SHOX2: variants seen among roughly 807,000 people sequenced by gnomAD.
SHOX2 encodes SHOX homeobox 2.
A neutral mutation model predicts 31.3 loss-of-function variants in SHOX2; 13 were observed. The observed-to-expected ratio is 0.42, with a 90% CI of 0.27 to 0.66. The LOEUF is 0.66. SHOX2 is among the 30% of genes least tolerant of loss of function. SHOX2 has a pLI of 0.27. For missense variants in SHOX2, 473 were observed against 443.0 expected (o/e 1.07, Z -0.61); for synonymous variants, 244 against 196.2 (o/e 1.24, Z -2.04).
Position 158,097,846 on chromosome 3 carries a change from G to T in SHOX2, c.*181C>A, listed in dbSNP as rs1713217573. On this transcript the variant is annotated 3_prime_UTR_variant, in exon 5 of 5. Coordinates refer to ENST00000483851, the MANE Select transcript of SHOX2 (RefSeq NM_001163678.2). Reference sequence around the variant, plus strand: ...AGCCTGCGTGCCTCGTGAGATCCCTGGTCCTGCGTGGAGTCTGGCTTTCCG... The same window carrying T: ...AGCCTGCGTGCCTCGTGAGATCCCTTGTCCTGCGTGGAGTCTGGCTTTCCG... The T allele has an allele frequency of 2.5e-6, 2 of 785,470 alleles. No homozygotes were observed. Among genetic ancestry groups the T allele is most frequent in the Admixed American group, 2.5e-5 (1 of 40,364 alleles). 48.7% of individuals were successfully genotyped at this position (785,470 alleles called of 1,614,324 possible). A position where few individuals can be genotyped will look rare whatever the true frequency, so the allele number is the denominator to read the frequency against.
At chr3:158,101,720 C>T (rs941844175) in intron 2 of SHOX2, among the ~76,000 whole-genome samples, 1 of 152,202 alleles carries the variant, frequency 6.6e-6, no homozygotes, top group East Asian at 1.9e-4. Context: ...TTTGTAACAG[C>T]TGCAGATGTG....
Position 158,098,026 on chromosome 3 carries a change from G to C in SHOX2, c.*1C>G. The C allele has an allele frequency of 6.3e-7, 1 of 1,586,692 alleles. No individual in the cohort carries two copies. The highest frequency in any genetic ancestry group is 8.6e-7 in the Non-Finnish European group (1 of 1,164,190). On this transcript the variant is annotated 3_prime_UTR_variant, in exon 5 of 5. Transcript: ENST00000483851. ...GCGCGACATTGGTGCTGGCGTTGGC[G>C]TCACAGACCCAGGGCTGCGGCGTGC...
Position 158,096,488 on chromosome 3 carries a change from G to A in SHOX2, c.*1539C>T, listed in dbSNP as rs1399160762. 7 of 149,796 alleles carry A rather than the reference G, an allele frequency of 4.7e-5. No individual in the cohort carries two copies. Among genetic ancestry groups the A allele is most frequent in the African/African-American group, 9.8e-5 (4 of 40,886 alleles). The allele number at this position is 149,796 out of a possible 1,614,324, so 9.3% of individuals were successfully genotyped here. On this transcript the variant is annotated 3_prime_UTR_variant, in exon 5 of 5. Coordinates refer to ENST00000483851, the MANE Select transcript of SHOX2 (RefSeq NM_001163678.2). ...TAGATACACCTTTGTGAGATAAAAT[G>A]CAAATGTTGAAAGTCAGTCCACACA...
intron 4 of SHOX2, 118 bp downstream of exon 4, chr3:158,099,742 A>G: frequency 1.3e-6 from 1 of 769,168 alleles, no homozygotes; most frequent in Non-Finnish European, 2.2e-6. Flanking sequence ...TCTCAAAATG[A>G]TTCTCCAACT....
At chr3:158,101,364 T>A (rs1713476916) in intron 2 of SHOX2, among the ~76,000 whole-genome samples, 1 of 152,224 alleles carries the variant, frequency 6.6e-6, no homozygotes, top group Non-Finnish European at 1.5e-5. Context: ...GTAATTCACA[T>A]GGCCTGAGGC....
intron 1 of SHOX2, chr3:158,103,822 A>G (rs1259600009): frequency 1.3e-5 from 2 of 152,264 alleles, no homozygotes; most frequent in Non-Finnish European, 2.9e-5. Context: ...CTCGGTTTCT[A>G]TTGGTTGCTC....
chr3:158,098,846 T>C (rs1224561859), intron 4 of SHOX2, among the ~76,000 whole-genome samples: 1 of 152,192 alleles, frequency 6.6e-6, no homozygotes, highest in Non-Finnish European at 1.5e-5. Flanking sequence ...AAGGTCTAGG[T>C]TGGGGCCTGA....
At chr3:158,102,489 A>AG (rs1428853344) in intron 2 of SHOX2, among the ~76,000 whole-genome samples, 189 bp downstream of exon 2, 1 of 151,784 alleles carries the variant, frequency 6.6e-6, no homozygotes, top group Non-Finnish European at 1.5e-5. Flanking sequence ...TGGAAAAAAA[A>AG]AAAAGGAGGG....
At position 158,106,279 on chromosome 3, in the gene SHOX2, A is replaced by G; in HGVS notation, c.-255T>C. 2.1e-6 allele frequency: 1 copy of G among 470,204 alleles called. No individual in the cohort carries two copies. The allele number at this position is 470,204 out of a possible 1,614,324, so 29.1% of individuals were successfully genotyped here. ...GAGGAAGAGGGGGAGAAGGGTGAAGAGGAGAGGGAGGAGGAGGAGGAGAAG... is the reference window on the plus strand; with the variant it reads ...GAGGAAGAGGGGGAGAAGGGTGAAGGGGAGAGGGAGGAGGAGGAGGAGAAG... On this transcript the variant is annotated 5_prime_UTR_variant, in exon 1 of 5. Transcript: ENST00000483851.
At position 158,098,268 on chromosome 3, in the gene SHOX2, T is replaced by A; in HGVS notation, c.719A>T (p.Gln240Leu). ...CGCGTGCGCCACAGCGCTGTCCAGC[T>A]GCAGCTGCGCCTGAACCTGAAAGGA... ...MPFQQVQAQL[Q>L]LDSAVAHAHH... Residue 240 changes from glutamine to leucine, a missense_variant, in exon 5 of 5, where the codon CAG becomes CTG. By Grantham distance (113) the Gln-to-Leu change is moderately radical. Coordinates refer to ENST00000483851, the MANE Select transcript of SHOX2 (RefSeq NM_001163678.2). 1 of 1,613,782 alleles carries A rather than the reference T, an allele frequency of 6.2e-7. No individual in the cohort carries two copies. Among genetic ancestry groups the A allele is most frequent in the Non-Finnish European group, 8.5e-7 (1 of 1,179,848 alleles).
At chr3:158,099,715 G>A in intron 4 of SHOX2, 145 bp downstream of exon 4, 1 of 665,232 alleles carries the variant, frequency 1.5e-6, no homozygotes, top group Non-Finnish European at 2.6e-6. Flanking sequence ...TTAAAGGGTA[G>A]TGGGTCCACT....
chr3:158,098,113 CT>C lies in SHOX2; in HGVS notation c.873del (p.Ala292GlnfsTer17). The C allele has an allele frequency of 6.2e-7, 1 of 1,610,948 alleles. No homozygotes were observed. Among genetic ancestry groups the C allele is most frequent in the Non-Finnish European group, 8.5e-7 (1 of 1,179,144 alleles). On this transcript the variant is annotated frameshift_variant, in exon 5 of 5. Coordinates refer to ENST00000483851, the MANE Select transcript of SHOX2 (RefSeq NM_001163678.2). LOFTEE classifies it high-confidence loss of function. ...TTCTTGCTGGTGGTCTTGGCGGCTG[CT>C]GCGGCCGCCACTACCGAGGCGGCGG... is the stretch of plus-strand genomic sequence containing the variant. Reference protein sequence around the residue: ...SASAASVVAAAAAAKTTSKNS... With the variant: ...SASAASVVAAXAAAKTTSKNS...
chr3:158,098,383 T>G, intron 4 of SHOX2, 99 bp from the exon 5 acceptor site: 2 of 1,477,240 alleles, frequency 1.4e-6, no homozygotes, highest in Non-Finnish European at 1.8e-6. Flanking sequence ...GAGAGAGAGT[T>G]GGGTTGTGTT....
At position 158,099,961 on chromosome 3, in the gene SHOX2, C is replaced by G. The variant is rs537722270; in HGVS notation, c.614-13G>C. On this transcript the variant is annotated splice_polypyrimidine_tract_variant and intron_variant, in intron 3 of 4. Coordinates refer to ENST00000483851, the MANE Select transcript of SHOX2 (RefSeq NM_001163678.2). ...CCTATGAGAACACCTGTAAAAAGTA[C>G]AAGAGAAAAATAATGTGAGGTTAAC... 5 of 1,609,512 alleles carry G rather than the reference C, an allele frequency of 3.1e-6. No homozygotes were observed. The highest frequency in any genetic ancestry group is 4.5e-5 in the East Asian group (2 of 44,856).
Position 158,098,254 on chromosome 3 carries a change from C to G in SHOX2, c.733G>C (p.Val245Leu). 6.2e-7 allele frequency: 1 copy of G among 1,613,866 alleles called. No individual in the cohort carries two copies. Among genetic ancestry groups the G allele is most frequent in the Non-Finnish European group, 8.5e-7 (1 of 1,179,884 alleles). ...VQAQLQLDSA[V>L]AHAHHHLHPH... ...TGCAGGTGGTGGTGCGCGTGCGCCA[C>G]AGCGCTGTCCAGCTGCAGCTGCGCC... is the stretch of plus-strand genomic sequence containing the variant. The change falls in exon 5 of 5, where the codon GTG becomes CTG. Residue 245 changes from valine to leucine, a missense_variant. Coordinates refer to ENST00000483851, the MANE Select transcript of SHOX2 (RefSeq NM_001163678.2).
Position 158,105,300 on chromosome 3 carries a change from C to T in SHOX2, c.346+379G>A, listed in dbSNP as rs561555056. 328 of 608,842 alleles carry T rather than the reference C, an allele frequency of 5.4e-4. 3 individuals are homozygous for T. In the East Asian group the frequency reaches 8.9e-3, roughly 17 times the overall value. 37.7% of individuals were successfully genotyped at this position (608,842 alleles called of 1,614,324 possible). On this transcript the variant is annotated intron_variant, in intron 1 of 4. Coordinates refer to ENST00000483851, the MANE Select transcript of SHOX2 (RefSeq NM_001163678.2). The stretch of plus-strand genomic sequence containing the variant: ...CTGCGCTAGAGGCTAGCTTTAGTCC[C>T]GCCGTCTGGTTCAGCACCCCCTCCT...
chr3:158,099,644 C>A (rs62288261), intron 4 of SHOX2, among the ~76,000 whole-genome samples: 135,364 of 152,104 alleles, frequency 0.89, 60,385 homozygotes, highest in East Asian at 1. Flanking sequence ...CAGGCCCCTT[C>A]AGGGATTCCC....
intron 1 of SHOX2, among the ~76,000 whole-genome samples, chr3:158,104,705 T>C (rs1713741301): frequency 6.6e-6 from 1 of 152,192 alleles, no homozygotes; most frequent in South Asian, 2.1e-4. Flanking sequence ...TCTATTTTTG[T>C]CCCCAAATTT....
intron 1 of SHOX2, chr3:158,104,141 G>C (rs1286295026): frequency 2.6e-5 from 4 of 152,296 alleles, no homozygotes; most frequent in African/African-American, 9.6e-5. Context: ...GGAAGAGCCG[G>C]TCTGCAGAGA....
Sources: gnomAD v4.1 joint callset for allele counts (sites outside exome capture counted in the v4.1 genomes callset) on GRCh38, gnomAD v4.1.1 for gene constraint, MANE v1.5 for transcripts, NCBI Gene and HGNC (gene_info 2026-07-23, HGNC 2026-07-21) for gene names.